Variants in FRMD6 observed in about 807,000 individuals in gnomAD.
FRMD6 encodes the protein FERM domain containing 6, also known as FERM domain-containing protein 6.
In FRMD6, 37 loss-of-function variants were observed where a neutral mutation model predicts 73.2. The observed-to-expected ratio is 0.51, with a 90% CI of 0.39 to 0.66. The LOEUF (loss-of-function observed/expected upper bound fraction) is 0.66. Ranked by LOEUF, FRMD6 falls within the 30% of genes least tolerant of loss-of-function variation. The pLI, the probability that FRMD6 is intolerant of heterozygous loss-of-function variation, is 0.00. For missense variants in FRMD6, 714 were observed against 780.5 expected, an observed-to-expected ratio of 0.91 and a Z score of 1.02; for synonymous variants, 273 against 282.2, an observed-to-expected ratio of 0.97 and a Z score of 0.33.
intron 2 of FRMD6, among the ~76,000 whole-genome samples, chr14:51,697,574 A>G (rs934967938): frequency 5.9e-5 from 9 of 152,112 alleles, no homozygotes; most frequent in Non-Finnish European, 1.2e-4. Context: ...TTATTGTACA[A>G]CGTGGTGACT....
intron 2 of FRMD6, among the ~76,000 whole-genome samples, chr14:51,646,004 G>A (rs1159637282): frequency 6.6e-6 from 1 of 152,008 alleles, no homozygotes; most frequent in East Asian, 1.9e-4. Context: ...GTATGTCTTA[G>A]GCACACATTG....
At chr14:51,563,280 T>C (rs184455997) in intron 1 of FRMD6, among the ~76,000 whole-genome samples, 4 of 152,312 alleles carry the variant, frequency 2.6e-5, no homozygotes, top group African/African-American at 9.6e-5. Context: ...ACCCCATCTC[T>C]CAATGTATCA....
intron 1 of FRMD6, among the ~76,000 whole-genome samples, chr14:51,653,070 C>A (rs988845643): frequency 6.6e-6 from 1 of 152,106 alleles, no homozygotes. Flanking sequence ...CCAGTATTTC[C>A]CTCAGGAGCT....
chr14:51,710,141 T>A (rs756007500), intron 7 of FRMD6, among the ~76,000 whole-genome samples: 4 of 152,220 alleles, frequency 2.6e-5, no homozygotes, highest in South Asian at 2.1e-4. Context: ...TTTTCAAGTT[T>A]ACTTAAAGTA....
chr14:51,467,124 G>A, the FRMD6 span, among the ~76,000 whole-genome samples: 3 of 152,344 alleles, frequency 2.0e-5, no homozygotes, highest in South Asian at 6.2e-4. Flanking sequence ...GCCTTCCGCA[G>A]TGTTTGTGTC....
intron 1 of FRMD6, among the ~76,000 whole-genome samples, chr14:51,490,288 A>ACT: frequency 6.6e-6 from 1 of 152,378 alleles, no homozygotes; most frequent in East Asian, 1.9e-4. Flanking sequence ...GAAGCTACTT[A>ACT]TGAACTGTGT....
At chr14:51,679,255 G>A (rs1234412536) in intron 1 of FRMD6, among the ~76,000 whole-genome samples, 1 of 150,546 alleles carries the variant, frequency 6.6e-6, no homozygotes, top group East Asian at 2.0e-4. Context: ...TAGACAAAAG[G>A]AAGGATTTTT....
At position 51,720,326 on chromosome 14, in the gene FRMD6, C is replaced by A. The variant is rs75861020; in HGVS notation, c.1296C>A (p.Ser432Arg). 2 of 1,613,836 alleles carry A rather than the reference C, an allele frequency of 1.2e-6. No homozygotes were observed. Among genetic ancestry groups the A allele is most frequent in the Admixed American group, 3.3e-5 (2 of 60,026 alleles). The change falls in exon 11 of 14, where the codon AGC becomes AGA. Residue 432 changes from serine (S) to arginine (R), a missense_variant. Coordinates refer to ENST00000344768, the MANE Select transcript of FRMD6 (RefSeq NM_001267046.2). ...GCAGCTCAATGACCAGTCATGGCAGCTCCCACACCTCAGGGGTGGAGAGTG... is the reference window on the plus strand; with the variant it reads ...GCAGCTCAATGACCAGTCATGGCAGATCCCACACCTCAGGGGTGGAGAGTG... Reference protein sequence around the residue: ...KTCSSMTSHGSSHTSGVESGG... With the variant: ...KTCSSMTSHGRSHTSGVESGG...
intron 2 of FRMD6, among the ~76,000 whole-genome samples, chr14:51,574,951 C>T (rs1024255496): frequency 6.6e-6 from 1 of 152,046 alleles, no homozygotes; most frequent in African/African-American, 2.4e-5. Flanking sequence ...TAAATATATA[C>T]ACATAGTATG....
At chr14:51,651,517 G>C (rs959145439), upstream of FRMD6, 16 of 152,296 alleles carry the variant, frequency 1.1e-4, no homozygotes, top group Non-Finnish European at 2.3e-4. Flanking sequence ...CCAGAAGGTG[G>C]GGAGCCGCCG....
At chr14:51,445,698 T>C in the FRMD6 span, among the ~76,000 whole-genome samples, 1 of 152,148 alleles carries the variant, frequency 6.6e-6, no homozygotes, top group African/African-American at 2.4e-5. Flanking sequence ...CCTTCCTAAG[T>C]GACATCATCT....
intron 1 of FRMD6, among the ~76,000 whole-genome samples, chr14:51,551,210 G>A (rs183377478): frequency 2.6e-5 from 4 of 152,194 alleles, no homozygotes; most frequent in Admixed American, 6.5e-5. Context: ...TGAAAACACC[G>A]GAATCCAGAA....
intron 1 of FRMD6, among the ~76,000 whole-genome samples, chr14:51,502,052 G>A (rs1052379382): frequency 2.0e-5 from 3 of 152,058 alleles, no homozygotes; most frequent in African/African-American, 7.2e-5. Flanking sequence ...CATGTCCTTT[G>A]CCCACTCTTT....
intron 2 of FRMD6, among the ~76,000 whole-genome samples, chr14:51,576,579 C>T (rs892064310): frequency 1.3e-5 from 2 of 152,118 alleles, no homozygotes; most frequent in African/African-American, 2.4e-5. Context: ...TTTTGGTCCC[C>T]CATGAGTGGA....
chr14:51,470,843 T>C, the FRMD6 span, among the ~76,000 whole-genome samples: 1 of 152,224 alleles, frequency 6.6e-6, no homozygotes, highest in Admixed American at 6.5e-5. Context: ...CTCATTTAAT[T>C]CCACTGTGGC....
intron 2 of FRMD6, among the ~76,000 whole-genome samples, chr14:51,632,791 T>C (rs948488659): frequency 2.0e-5 from 3 of 152,226 alleles, no homozygotes; most frequent in African/African-American, 7.2e-5. Context: ...CACTGGTTAA[T>C]GGCAGTTTCA....
At chr14:51,710,621 G>A (rs1408393811) in intron 7 of FRMD6, among the ~76,000 whole-genome samples, 1 of 152,132 alleles carries the variant, frequency 6.6e-6, no homozygotes, top group Non-Finnish European at 1.5e-5. Flanking sequence ...TATAATGCCA[G>A]GTGAGGACAC....
the FRMD6 span, among the ~76,000 whole-genome samples, chr14:51,455,661 G>A: frequency 6.6e-6 from 1 of 152,186 alleles, no homozygotes; most frequent in African/African-American, 2.4e-5. Context: ...GGGTCCAAGA[G>A]CAGGAGAACA....
rs369811499 is a variant in FRMD6, at chr14:51,585,960, T to TATATATATATATATATATATATATAA, written c.-147+15551_-147+15552insTATATATATATATATATATATATAAA. 1.2e-3 allele frequency among the ~76,000 whole-genome samples: 110 copies of TATATATATATATATATATATATATAA among 91,136 alleles called. 3 individuals are homozygous for TATATATATATATATATATATATATAA. Among genetic ancestry groups the TATATATATATATATATATATATATAA allele is most frequent in the Middle Eastern group, 5.3e-3 (1 of 190 alleles). The allele number at this position is 91,136 out of a possible 152,430, so 59.8% of individuals were successfully genotyped here. A position where few individuals can be genotyped will look rare whatever the true frequency, so the allele number is the denominator to read the frequency against. On this transcript the variant is annotated intron_variant, in intron 2 of 14. Transcript: ENST00000356218. ...GTGTGTATATATATATATATATATA[T>TATATATATATATATATATATATATAA]AACATTTTCTTTATCAAACCTTTGT...
Sources: gnomAD v4.1 joint callset for allele counts (sites outside exome capture counted in the v4.1 genomes callset) on GRCh38, gnomAD v4.1.1 for gene constraint, MANE v1.5 for transcripts, NCBI Gene and HGNC (gene_info 2026-07-23, HGNC 2026-07-21) for gene names.